SH2D2A: variants seen among roughly 807,000 people sequenced by gnomAD.
SH2D2A encodes the protein SH2 domain-containing protein 2A.
Under a neutral mutation model 43.6 loss-of-function variants are expected in SH2D2A, and 33 were observed. The ratio of observed to expected loss-of-function variants is 0.76; its 90% confidence interval spans 0.57 to 1.01. The LOEUF (loss-of-function observed/expected upper bound fraction) is 1.01, where lower values mean the gene tolerates loss of function less well. Among genes scored for constraint, SH2D2A ranks in the 50% least tolerant of loss-of-function variants. The probability of loss-of-function intolerance (pLI) is 0.00; values close to 1 mark genes in which losing one functional copy is unlikely to be tolerated. For synonymous variants in SH2D2A, 212 were observed against 206.1 expected (o/e 1.03, Z -0.25); for missense variants, 491 against 503.1 (o/e 0.98, Z 0.23).
chr1:156,814,378 C>T, intron 3 of SH2D2A, 84 bp from the exon 4 acceptor site: 1 of 1,544,894 alleles, frequency 6.5e-7, no homozygotes, highest in Admixed American at 2.0e-5. Context: ...ACGAGGAACC[C>T]CTACCCCCAA....
rs778649116 is a variant in SH2D2A at position 156,809,647 on chromosome 1, C to A, written c.714+14G>T. 7.1e-5 allele frequency: 114 copies of A among 1,603,690 alleles called. No homozygotes were observed. The East Asian group carries it at 2.5e-3, about 35-fold the overall frequency. On this transcript the variant is annotated intron_variant, in intron 6 of 8. Transcript: ENST00000368199. The surrounding 1 kb of genome is among the most constrained non-coding windows in gnomAD (Gnocchi z 4.8). ...GCCTGTCCTCCCACTCCCTCAGCCC[C>A]TGCAGCCCAATACCTCCTTCTCCCC...
At chr1:156,806,808 T>C (rs1406247017) in intron 8 of SH2D2A, among the ~76,000 whole-genome samples, 1 of 152,238 alleles carries the variant, frequency 6.6e-6, no homozygotes, top group Non-Finnish European at 1.5e-5. Context: ...TCTCAGGCTA[T>C]GTTTTCTTCT....
In SH2D2A at chr1:156,807,163, G is replaced by A. The variant is rs369081646; in HGVS notation, c.*3+12C>T. 16 of 1,611,596 alleles carry A rather than the reference G, an allele frequency of 9.9e-6. No homozygotes were observed. Among genetic ancestry groups the A allele is most frequent in the Non-Finnish European group, 1.3e-5 (15 of 1,179,280 alleles). ...TGATGCTCCAAGTTATCCTCACCAA[G>A]CTCAGACTTACCGCCTACTGAGGAG... is the stretch of plus-strand genomic sequence containing the variant. On this transcript the variant is annotated intron_variant, in intron 8 of 8. Coordinates refer to ENST00000368199, the MANE Select transcript of SH2D2A (RefSeq NM_003975.4). The surrounding 1 kb of genome is among the most constrained non-coding windows in gnomAD (Gnocchi z 5.1).
chr1:156,812,965 C>T (rs1019777318), intron 5 of SH2D2A, among the ~76,000 whole-genome samples: 4 of 152,134 alleles, frequency 2.6e-5, no homozygotes, highest in South Asian at 2.1e-4. Flanking sequence ...ACTTGTGCAC[C>T]GCTGCCTGCT....
Position 156,809,408 on chromosome 1 carries a change from C to A in SH2D2A, c.797G>T (p.Arg266Leu), listed in dbSNP as rs1413638444. Residue 266 changes from arginine (R) to leucine (L), a missense_variant, in exon 7 of 9, where the codon CGA becomes CTA. Arg to Leu is a moderately radical substitution (Grantham distance 102, BLOSUM62 -2). Transcript: ENST00000368199. This position sits in a 1 kb window ranked among gnomAD's most constrained non-coding sequence, Gnocchi z 4.8. The part of the protein sequence containing the change: ...PPEVYTIPVP[R>L]HRPAPRPKPS... Reference sequence around the variant, plus strand: ...CTTGGGGCGTGGGGCCGGGCGGTGTCGTGGAACAGGGATTGTGTAGACTTC... The same window carrying A: ...CTTGGGGCGTGGGGCCGGGCGGTGTAGTGGAACAGGGATTGTGTAGACTTC... 1 of 1,613,738 alleles carries A rather than the reference C, an allele frequency of 6.2e-7. No homozygotes were observed. The highest frequency in any genetic ancestry group is 2.2e-5 in the East Asian group (1 of 44,874).
At chr1:156,815,780 G>A in intron 2 of SH2D2A, 2 of 1,613,376 alleles carry the variant, frequency 1.2e-6, no homozygotes, top group Non-Finnish European at 1.7e-6. Flanking sequence ...CTCAGCCTGA[G>A]CTTCCAGAGG....
chr1:156,816,633 T>C (rs553772527), intron 1 of SH2D2A, 42 bp downstream of exon 1: 2 of 1,587,064 alleles, frequency 1.3e-6, no homozygotes, highest in East Asian at 2.3e-5. Context: ...GATGGGGGTC[T>C]TTGTGCCCCC....
At chr1:156,816,529 TG>T in intron 1 of SH2D2A, 145 bp downstream of exon 1, 1 of 677,442 alleles carries the variant, frequency 1.5e-6, no homozygotes, top group Non-Finnish European at 2.5e-6. Context: ...GGCAGGGTTG[TG>T]GTCACCCTGC....
In SH2D2A at chr1:156,810,114, C is replaced by T. The variant is rs1287818476; in HGVS notation, c.568-307G>A. Among the ~76,000 whole-genome samples the T allele has an allele frequency of 2.0e-5, 3 of 152,140 alleles. No homozygotes were observed. The East Asian group carries it at 5.8e-4, about 29-fold the overall frequency. On this transcript the variant is annotated intron_variant, in intron 5 of 8. Coordinates refer to ENST00000368199, the MANE Select transcript of SH2D2A (RefSeq NM_003975.4). ...GTGGTGGTGCAGTCTCAGCTCACTG[C>T]AGCCTTGACCTCCTGGGCTCAAGCT...
Position 156,814,289 on chromosome 1 carries a change from G to A in SH2D2A, c.314C>T (p.Ala105Val), listed in dbSNP as rs749448066. The change falls in exon 4 of 9, where the codon GCA (alanine) becomes GTA (valine). Residue 105 changes from alanine (A) to valine (V), a missense_variant. Physicochemically the swap from Ala to Val is moderately conservative, Grantham distance 64 (BLOSUM62 0). Transcript: ENST00000368199. ...WFHGFITRREAERLLEPKPQG... is the reference protein window; with the variant it reads ...WFHGFITRREVERLLEPKPQG... ...AGGCTTGGGCTCCAGCAGCCTCTCT[G>A]CCTCCCTGTGGGTGACGGAGAGAGG... The A allele has an allele frequency of 2.4e-5, 38 of 1,613,530 alleles. No individual in the cohort carries two copies. Among genetic ancestry groups the A allele is most frequent in the Non-Finnish European group, 3.2e-5 (38 of 1,179,876 alleles).
rs1028759560 is a variant in SH2D2A at position 156,809,972 on chromosome 1, C to T, written c.568-165G>A. On this transcript the variant is annotated intron_variant, in intron 5 of 8. Transcript: ENST00000368199. The surrounding 1 kb of genome is among the most constrained non-coding windows in gnomAD (Gnocchi z 4.8). The stretch of plus-strand genomic sequence containing the variant: ...CTGGATGAGGAAGAGGGGGTGGTGA[C>T]GGCAGGGAGACCCAGGGTTGGATGG... 2.0e-5 allele frequency among the ~76,000 whole-genome samples: 3 copies of T among 152,148 alleles called. No individual in the cohort carries two copies. Among genetic ancestry groups the T allele is most frequent in the East Asian group, 3.9e-4 (2 of 5,180 alleles).
At chr1:156,810,596 C>G (rs905844934) in intron 5 of SH2D2A, among the ~76,000 whole-genome samples, 1 of 151,958 alleles carries the variant, frequency 6.6e-6, no homozygotes, top group Non-Finnish European at 1.5e-5. Flanking sequence ...TCTCGGCTCA[C>G]TGCAACCTCC....
chr1:156,809,481 G>A lies in SH2D2A; in HGVS notation c.724C>T (p.Leu242=). 6.3e-7 allele frequency: 1 copy of A among 1,597,518 alleles called. No individual in the cohort carries two copies. The highest frequency in any genetic ancestry group is 1.1e-5 in the South Asian group (1 of 89,646). ...EGAGEKEPSQ[L]LRPKPPIPAK... ...GGGATGGGAGGCTTGGGCCTGAGCA[G>A]CTGGGAGGGCTGGGAGAGAAGGTGA... The change falls in exon 7 of 9, where the codon CTG becomes TTG. Residue 242 remains leucine, a synonymous_variant. Transcript: ENST00000368199. This position sits in a 1 kb window ranked among gnomAD's most constrained non-coding sequence, Gnocchi z 4.8.
At chr1:156,810,501 G>A (rs771022063) in intron 5 of SH2D2A, among the ~76,000 whole-genome samples, 6 of 151,686 alleles carry the variant, frequency 4.0e-5, no homozygotes, top group African/African-American at 9.7e-5. Context: ...CTGTACTGCC[G>A]GTTACTTTAT....
At chr1:156,812,420 C>T (rs1393077778) in intron 5 of SH2D2A, among the ~76,000 whole-genome samples, 1 of 152,224 alleles carries the variant, frequency 6.6e-6, no homozygotes, top group Non-Finnish European at 1.5e-5. Flanking sequence ...TGCTAACTTC[C>T]TCTCTGCTCC....
Position 156,815,781 on chromosome 1 carries a change from C to A in SH2D2A, c.123+225G>T, listed in dbSNP as rs374760070. 3 of 1,613,370 alleles carry A rather than the reference C, an allele frequency of 1.9e-6. No individual in the cohort carries two copies. In the South Asian group the frequency reaches 3.3e-5, roughly 18 times the overall value. On this transcript the variant is annotated intron_variant, in intron 2 of 8. Coordinates refer to ENST00000368199, the MANE Select transcript of SH2D2A (RefSeq NM_003975.4). ...TGGTCATCTGCGGACTCAGCCTGAG[C>A]TTCCAGAGGGCCTAGGAGCAGTAAG...
At chr1:156,815,793 C>T (rs770230661) in intron 2 of SH2D2A, 2 of 1,613,922 alleles carry the variant, frequency 1.2e-6, no homozygotes, top group South Asian at 1.1e-5. Flanking sequence ...TCCAGAGGGC[C>T]TAGGAGCAGT....
intron 5 of SH2D2A, among the ~76,000 whole-genome samples, chr1:156,810,473 C>T (rs1230270826): frequency 6.6e-6 from 1 of 151,888 alleles, no homozygotes; most frequent in Non-Finnish European, 1.5e-5. Context: ...TCCATGACAG[C>T]TGTGCTTGTG....
chr1:156,809,111 C>T lies in SH2D2A; in HGVS notation c.1002+92G>A. ...TCACACCTCTGCCCCTTACCCTGCC[C>T]CAGGCATCCACTCTGAACACCTTCT... On this transcript the variant is annotated intron_variant, in intron 7 of 8. Coordinates refer to ENST00000368199, the MANE Select transcript of SH2D2A (RefSeq NM_003975.4). The surrounding 1 kb of genome is among the most constrained non-coding windows in gnomAD (Gnocchi z 4.8). The T allele has an allele frequency of 7.4e-7, 1 of 1,344,934 alleles. No homozygotes were observed. 83.3% of individuals were successfully genotyped at this position (1,344,934 alleles called of 1,614,324 possible). A position where few individuals can be genotyped will look rare whatever the true frequency, so the allele number is the denominator to read the frequency against.
Sources: allele counts gnomAD v4.1 joint callset (sites outside exome capture counted in the v4.1 genomes callset), GRCh38; gene constraint gnomAD v4.1.1; non-coding constraint Gnocchi (gnomAD v3.1); transcripts MANE v1.5; gene names NCBI Gene and HGNC (gene_info 2026-07-23, HGNC 2026-07-21).